ROR1: variants seen among roughly 807,000 people sequenced by gnomAD.
The protein encoded by ROR1 is inactive tyrosine-protein kinase transmembrane receptor ROR1.
In ROR1, 19 loss-of-function variants were observed where a neutral mutation model predicts 78.8. The observed-to-expected ratio is 0.24, with a 90% confidence interval of 0.17 to 0.35. The LOEUF (loss-of-function observed/expected upper bound fraction) is 0.35, where lower values mean the gene tolerates loss of function less well. ROR1 is among the 10% of genes least tolerant of loss of function. The pLI is 1.00. For missense variants in ROR1, 917 were observed against 1,177.8 expected (o/e 0.78, Z 3.24); for synonymous variants, 386 against 433.6 (o/e 0.89, Z 1.36).
intron 1 of ROR1, among the ~76,000 whole-genome samples, chr1:63,803,519 T>A (rs1644808534): frequency 6.6e-6 from 1 of 152,182 alleles, no homozygotes; most frequent in Admixed American, 6.5e-5. Context: ...TAATTCTTAA[T>A]ATTTTTAGTA....
intron 1 of ROR1, among the ~76,000 whole-genome samples, chr1:63,932,083 T>C (rs950802423): frequency 6.6e-6 from 1 of 152,140 alleles, no homozygotes; most frequent in Admixed American, 6.6e-5. Flanking sequence ...TTAGATAATA[T>C]TTATAAAGTA....
At chr1:63,918,398 A>G (rs913096220) in intron 1 of ROR1, among the ~76,000 whole-genome samples, 1 of 152,176 alleles carries the variant, frequency 6.6e-6, no homozygotes, top group African/African-American at 2.4e-5. Flanking sequence ...GAAAGTGTCA[A>G]AACCAGAATT....
intron 1 of ROR1, among the ~76,000 whole-genome samples, chr1:63,840,189 A>T (rs1249668117): frequency 6.6e-6 from 1 of 151,978 alleles, no homozygotes; most frequent in South Asian, 2.1e-4. Flanking sequence ...TGTGTTTGGT[A>T]TGAAGCATTA....
In ROR1 at chr1:64,179,644, G is replaced by T. The variant is rs1437282961; in HGVS notation, c.*789G>T. The T allele has an allele frequency of 6.6e-6, 1 of 152,232 alleles. No homozygotes were observed. Among genetic ancestry groups the T allele is most frequent in the African/African-American group, 2.4e-5 (1 of 41,460 alleles). 9.4% of individuals were successfully genotyped at this position (152,232 alleles called of 1,614,324 possible). A position where few individuals can be genotyped will look rare whatever the true frequency, so the allele number is the denominator to read the frequency against. ...TAGTTCTCTTTGCTGGATTAGGAAT[G>T]AGGCGCCAAAGGAAGCACAGCCAGG... On this transcript the variant is annotated 3_prime_UTR_variant, in exon 9 of 9. Transcript: ENST00000371079.
chr1:63,942,638 G>T (rs1468375292), intron 1 of ROR1, among the ~76,000 whole-genome samples: 2 of 152,176 alleles, frequency 1.3e-5, no homozygotes, highest in Admixed American at 1.3e-4. Context: ...AAGCTTTGCA[G>T]GGAGGAGAGC....
intron 4 of ROR1, among the ~76,000 whole-genome samples, chr1:64,100,761 C>G (rs1647497798): frequency 6.6e-6 from 1 of 152,192 alleles, no homozygotes; most frequent in African/African-American, 2.4e-5. Flanking sequence ...CATTAGCAAT[C>G]TACCCACCAC....
At chr1:63,955,147 C>T (rs1011728799) in intron 1 of ROR1, among the ~76,000 whole-genome samples, 1 of 152,092 alleles carries the variant, frequency 6.6e-6, no homozygotes, top group Non-Finnish European at 1.5e-5. Flanking sequence ...AGAGGTTTGG[C>T]AAACACAAGG....
chr1:63,938,194 A>G (rs1474746718), intron 1 of ROR1, among the ~76,000 whole-genome samples: 1 of 152,204 alleles, frequency 6.6e-6, no homozygotes, highest in Non-Finnish European at 1.5e-5. Flanking sequence ...TTTTCTTCTC[A>G]TTATTCCCTA....
chr1:64,129,519 C>A (rs1316277489), intron 4 of ROR1, among the ~76,000 whole-genome samples: 1 of 152,166 alleles, frequency 6.6e-6, no homozygotes, highest in African/African-American at 2.4e-5. Context: ...CTTGGGGGCG[C>A]TGAACTCGGG....
intron 1 of ROR1, among the ~76,000 whole-genome samples, chr1:63,842,345 A>G (rs1456406841): frequency 6.6e-6 from 1 of 152,350 alleles, no homozygotes; most frequent in Non-Finnish European, 1.5e-5. Flanking sequence ...TAGCCAGAGT[A>G]TCAACATATT....
At chr1:64,067,736 G>A (rs912442529) in intron 4 of ROR1, among the ~76,000 whole-genome samples, 25 of 108,732 alleles carry the variant, frequency 2.3e-4, no homozygotes, top group African/African-American at 8.6e-4. Flanking sequence ...TTTTTGAGAC[G>A]GAGTCTCGCT....
At chr1:63,957,259 C>T (rs11208326) in intron 1 of ROR1, among the ~76,000 whole-genome samples, 49,330 of 152,134 alleles carry the variant, frequency 0.32, 11,889 homozygotes, top group African/African-American at 0.69. Flanking sequence ...GTTACTATGT[C>T]GTTGTAATTT....
At chr1:64,172,974 T>G (rs1650280839) in intron 8 of ROR1, among the ~76,000 whole-genome samples, 1 of 152,246 alleles carries the variant, frequency 6.6e-6, no homozygotes, top group Non-Finnish European at 1.5e-5. Context: ...CCGTACAGTC[T>G]ACTGACTGCT....
chr1:64,058,987 A>G (rs2100602666), intron 4 of ROR1, among the ~76,000 whole-genome samples: 1 of 152,282 alleles, frequency 6.6e-6, no homozygotes, highest in East Asian at 1.9e-4. Context: ...AAAATTACTA[A>G]TTCAACTTTC....
chr1:64,136,939 CT>C (rs1649133791), intron 4 of ROR1, among the ~76,000 whole-genome samples: 1 of 152,114 alleles, frequency 6.6e-6, no homozygotes, highest in Non-Finnish European at 1.5e-5. Flanking sequence ...ATGGATCCCC[CT>C]AATTGACGTG....
At chr1:63,839,544 G>C (rs973959564) in intron 1 of ROR1, among the ~76,000 whole-genome samples, 3 of 151,640 alleles carry the variant, frequency 2.0e-5, no homozygotes, top group Admixed American at 6.6e-5. Flanking sequence ...AATTAAAAAA[G>C]GTGCAAATAA....
intron 1 of ROR1, among the ~76,000 whole-genome samples, chr1:63,828,068 C>T (rs562351421): frequency 1.3e-5 from 2 of 152,226 alleles, no homozygotes; most frequent in Admixed American, 6.5e-5. Context: ...TAAGCCACCC[C>T]AAAAGGTAAC....
At chr1:64,069,524 G>A (rs1039167315) in intron 4 of ROR1, among the ~76,000 whole-genome samples, 1 of 152,078 alleles carries the variant, frequency 6.6e-6, no homozygotes, top group Non-Finnish European at 1.5e-5. Flanking sequence ...AAATGTGTGT[G>A]TGTGTGTGTG....
intron 1 of ROR1, among the ~76,000 whole-genome samples, chr1:63,813,160 T>C (rs1644870427): frequency 6.6e-6 from 1 of 152,134 alleles, no homozygotes; most frequent in Admixed American, 6.5e-5. Flanking sequence ...CTTTAAAAAA[T>C]TCTCTTCCTT....
Sources: allele counts gnomAD v4.1 joint callset (sites outside exome capture counted in the v4.1 genomes callset), GRCh38; gene constraint gnomAD v4.1.1; transcripts MANE v1.5; gene names NCBI Gene and HGNC (gene_info 2026-07-23, HGNC 2026-07-21).